The following ARID5B variants were observed in gnomAD, a reference collection of about 807,000 sequenced individuals.
ARID5B encodes the protein AT-rich interactive domain-containing protein 5B.
A neutral mutation model predicts 97.2 loss-of-function variants in ARID5B; 13 were observed. The observed-to-expected ratio is 0.13, with a 90% CI of 0.09 to 0.21. The LOEUF (loss-of-function observed/expected upper bound fraction) is 0.21. Among genes scored for constraint, ARID5B ranks in the 10% least tolerant of loss-of-function variants. The pLI is 1.00. For missense variants in ARID5B, 1,210 were observed against 1,465.3 expected (o/e 0.83, Z 2.84); for synonymous variants, 556 against 570.3 (o/e 0.97, Z 0.36).
chr10:62,007,301 G>T (rs1017485257), intron 4 of ARID5B, among the ~76,000 whole-genome samples: 43 of 152,186 alleles, frequency 2.8e-4, no homozygotes, highest in African/African-American at 9.7e-4. Flanking sequence ...GTGTGGAGAT[G>T]CTTAGAGCCT....
chr10:62,039,830 A>C (rs1292765423), intron 4 of ARID5B, among the ~76,000 whole-genome samples: 1 of 152,190 alleles, frequency 6.6e-6, no homozygotes, highest in Non-Finnish European at 1.5e-5. Context: ...TTTTGTCATA[A>C]ATGGGACCTG....
chr10:61,952,443 T>C (rs1838335778), intron 3 of ARID5B, among the ~76,000 whole-genome samples: 1 of 152,240 alleles, frequency 6.6e-6, no homozygotes, highest in Non-Finnish European at 1.5e-5. Flanking sequence ...AGTATCTTTT[T>C]TCATGTGTTT....
chr10:61,969,597 C>T (rs1438467601), intron 3 of ARID5B, among the ~76,000 whole-genome samples: 1 of 152,098 alleles, frequency 6.6e-6, no homozygotes, highest in Non-Finnish European at 1.5e-5. Context: ...CCTTCTTGAC[C>T]CTTCGGCTTA....
intron 4 of ARID5B, chr10:62,049,462 A>AGAT: frequency 6.4e-7 from 1 of 1,550,528 alleles, no homozygotes; most frequent in Non-Finnish European, 8.7e-7. Context: ...TCAGTCAGGC[A>AGAT]GATGTTTGTC....
chr10:62,085,615 A>C (rs1228420533), intron 8 of ARID5B, 87 bp from the exon 9 acceptor site: 8 of 1,074,866 alleles, frequency 7.4e-6, no homozygotes, highest in Non-Finnish European at 1.1e-5. Flanking sequence ...TAATTTGCTT[A>C]TATTGAGAAA....
chr10:62,000,805 G>A lies in ARID5B; in HGVS notation c.733+484G>A, dbSNP rs1839067665. 6.6e-6 allele frequency among the ~76,000 whole-genome samples: 1 copy of A among 151,598 alleles called. No homozygotes were observed. Reference sequence around the variant, plus strand: ...ATAAATAGATAACCACTTTAGTACTGTACAGTAGATAGACACGTAGAGAGA... The same window carrying A: ...ATAAATAGATAACCACTTTAGTACTATACAGTAGATAGACACGTAGAGAGA... On this transcript the variant is annotated intron_variant, in intron 4 of 9. Coordinates refer to ENST00000279873, the MANE Select transcript of ARID5B (RefSeq NM_032199.3). This position sits in a 1 kb window ranked among gnomAD's most constrained non-coding sequence, Gnocchi z 4.4.
intron 4 of ARID5B, among the ~76,000 whole-genome samples, chr10:62,019,240 A>G (rs1839322737): frequency 6.6e-6 from 1 of 152,236 alleles, no homozygotes; most frequent in South Asian, 2.1e-4. Context: ...CACTCAAAAA[A>G]GACAACATTG....
intron 3 of ARID5B, among the ~76,000 whole-genome samples, chr10:61,943,479 C>CT (rs397781655): frequency 3.6e-4 from 51 of 143,300 alleles, no homozygotes; most frequent in African/African-American, 1.3e-3. Flanking sequence ...GGCCCCCCCC[C>CT]TTTTTTTCTG....
chr10:62,011,270 A>G (rs780197283), intron 4 of ARID5B, among the ~76,000 whole-genome samples: 9 of 152,304 alleles, frequency 5.9e-5, no homozygotes, highest in African/African-American at 1.4e-4. Context: ...CACCAGAAAC[A>G]TGACTTTATC....
At chr10:62,020,904 A>G (rs949640030) in intron 4 of ARID5B, among the ~76,000 whole-genome samples, 28 of 151,748 alleles carry the variant, frequency 1.8e-4, no homozygotes, top group African/African-American at 6.5e-4. Flanking sequence ...TGAAAAGGCC[A>G]AGCTGCCATT....
intron 4 of ARID5B, among the ~76,000 whole-genome samples, chr10:62,027,264 G>A (rs1031927231): frequency 1.6e-5 from 2 of 126,734 alleles, no homozygotes; most frequent in African/African-American, 5.9e-5. Context: ...CTGTAGTGAT[G>A]CATTAGCCTC....
At chr10:61,974,313 T>C (rs1838670676) in intron 3 of ARID5B, among the ~76,000 whole-genome samples, 1 of 152,218 alleles carries the variant, frequency 6.6e-6, no homozygotes, top group Admixed American at 6.5e-5. Flanking sequence ...AGGGTCTTTT[T>C]TGTTCTGAGT....
chr10:62,034,065 C>A (rs923849018), intron 4 of ARID5B, among the ~76,000 whole-genome samples: 1 of 152,104 alleles, frequency 6.6e-6, no homozygotes, highest in African/African-American at 2.4e-5. Context: ...TTAAATGGAG[C>A]GGATGGTTTT....
intron 4 of ARID5B, among the ~76,000 whole-genome samples, chr10:62,031,574 A>ATGGTTGGCTTTCATGG (rs1839497696): frequency 6.6e-6 from 1 of 152,204 alleles, no homozygotes; most frequent in Non-Finnish European, 1.5e-5. Flanking sequence ...GACTTATACC[A>ATGGTTGGCTTTCATGG]TTGGTTGGCT....
At chr10:62,089,449 CCCTT>C (rs755759159) in intron 9 of ARID5B, among the ~76,000 whole-genome samples, 1 of 151,034 alleles carries the variant, frequency 6.6e-6, no homozygotes, top group Non-Finnish European at 1.5e-5. Context: ...GGCAGACCCA[CCCTT>C]CCTTCCTTCC....
At chr10:62,049,253 G>A in intron 4 of ARID5B, 1 of 1,405,034 alleles carries the variant, frequency 7.1e-7, no homozygotes, top group Non-Finnish European at 9.3e-7. Context: ...AAAGTCCTCA[G>A]GCTCATCCCA....
chr10:61,960,311 A>G (rs903659154), intron 3 of ARID5B, among the ~76,000 whole-genome samples: 1 of 152,226 alleles, frequency 6.6e-6, no homozygotes, highest in Non-Finnish European at 1.5e-5. Context: ...AGCTCACAAC[A>G]GTAGGAAGTC....
At chr10:61,940,532 G>T (rs1484273038) in intron 3 of ARID5B, 124 bp downstream of exon 3, 1 of 850,502 alleles carries the variant, frequency 1.2e-6, no homozygotes, top group South Asian at 1.8e-5. Flanking sequence ...TAACCTCAAA[G>T]GGTCCTAAGA....
chr10:62,066,123 TAAGC>T (rs1839985354), intron 7 of ARID5B, among the ~76,000 whole-genome samples: 1 of 152,154 alleles, frequency 6.6e-6, no homozygotes, highest in Non-Finnish European at 1.5e-5. Context: ...ATAAAAACTA[TAAGC>T]AAGTACATAA....
Sources: gnomAD v4.1 joint callset for allele counts (sites outside exome capture counted in the v4.1 genomes callset) on GRCh38, gnomAD v4.1.1 for gene constraint, Gnocchi (gnomAD v3.1) non-coding constraint, MANE v1.5 for transcripts, NCBI Gene and HGNC (gene_info 2026-07-23, HGNC 2026-07-21) for gene names.